The following DMD variants were observed in gnomAD, a reference collection of about 807,000 sequenced individuals.
The protein encoded by DMD is dystrophin.
A neutral mutation model predicts 330.1 loss-of-function variants in DMD; 63 were observed. That is an observed-to-expected ratio of 0.19 (90% CI 0.16 to 0.24). The LOEUF is 0.24. Among genes scored for constraint, DMD ranks in the 10% least tolerant of loss-of-function variants. The pLI, the probability that DMD is intolerant of heterozygous loss-of-function variation, is 1.00. For missense variants in DMD, 3,344 were observed against 2,684.1 expected (o/e 1.25, Z -5.43); for synonymous variants, 1,223 against 959.8 (o/e 1.27, Z -5.07).
intron 12 of DMD, among the ~76,000 whole-genome samples, chrX:32,596,300 G>GAAA (rs11374896): frequency 6.2e-5 from 6 of 96,381 alleles, no homozygotes; most frequent in African/African-American, 7.5e-5. Context: ...CCTCTTCACT[G>GAAA]AAAAAAAAAA....
intron 15 of DMD, among the ~76,000 whole-genome samples, chrX:32,573,107 CTCAGG>C (rs1007760098): frequency 9.0e-6 from 1 of 111,251 alleles, no homozygotes; most frequent in Non-Finnish European, 1.9e-5. Flanking sequence ...CAGTCCCAGT[CTCAGG>C]TACCCCTTTA....
chrX:33,205,724 T>C (rs910180951), intron 1 of DMD, among the ~76,000 whole-genome samples: 3 of 111,873 alleles, frequency 2.7e-5, no homozygotes, highest in Non-Finnish European at 3.8e-5. Context: ...TATTTGCCCA[T>C]AATTGGAAAT....
intron 37 of DMD, among the ~76,000 whole-genome samples, chrX:32,350,778 CA>C: frequency 9.0e-6 from 1 of 111,475 alleles, no homozygotes; most frequent in East Asian, 2.8e-4. Flanking sequence ...ACCTCCAGCA[CA>C]GTAGTCAAGG....
At chrX:33,162,180 G>A (rs1256682497) in intron 1 of DMD, among the ~76,000 whole-genome samples, 2 of 112,002 alleles carry the variant, frequency 1.8e-5, no homozygotes, top group Non-Finnish European at 3.8e-5. Flanking sequence ...TAAGAGATAG[G>A]TAATAAAAAC....
At chrX:32,158,771 C>T (rs1311314637) in intron 44 of DMD, among the ~76,000 whole-genome samples, 1 of 111,876 alleles carries the variant, frequency 8.9e-6, no homozygotes, top group Admixed American at 9.5e-5. Context: ...AGATCACTTA[C>T]CACTACAAAC....
intron 2 of DMD, among the ~76,000 whole-genome samples, chrX:32,954,992 G>T (rs2091484501): frequency 8.9e-6 from 1 of 111,813 alleles, no homozygotes. Context: ...GAATAGTGCT[G>T]CAATGAACAT....
chrX:32,784,808 C>T (rs1353437215), intron 7 of DMD, among the ~76,000 whole-genome samples: 1 of 111,413 alleles, frequency 9.0e-6, no homozygotes, highest in Non-Finnish European at 1.9e-5. Flanking sequence ...ATGCTCTGTA[C>T]TTTAAAAAAT....
At chrX:33,201,889 A>G (rs1254840232) in intron 1 of DMD, among the ~76,000 whole-genome samples, 2 of 112,413 alleles carry the variant, frequency 1.8e-5, no homozygotes, top group Non-Finnish European at 3.8e-5. Flanking sequence ...GGCTAACTGT[A>G]GATGATTACA....
chrX:32,625,093 C>G (rs1263200848), intron 11 of DMD, among the ~76,000 whole-genome samples: 1 of 111,840 alleles, frequency 8.9e-6, no homozygotes, highest in Non-Finnish European at 1.9e-5. Flanking sequence ...ATTGCTTGAA[C>G]CCGGGAGGCG....
intron 44 of DMD, among the ~76,000 whole-genome samples, chrX:32,117,075 G>C (rs906981344): frequency 4.5e-5 from 5 of 111,550 alleles, no homozygotes; most frequent in African/African-American, 1.6e-4. Context: ...TCAATAAATG[G>C]ATAGCTTGAG....
At chrX:32,579,527 G>T (rs1015188879) in intron 13 of DMD, among the ~76,000 whole-genome samples, 1 of 112,199 alleles carries the variant, frequency 8.9e-6, no homozygotes, top group Non-Finnish European at 1.9e-5. Context: ...TAAAAGATAT[G>T]CCTTCTAATT....
intron 29 of DMD, among the ~76,000 whole-genome samples, chrX:32,412,913 T>C (rs55717900): frequency 0.17 from 18,416 of 110,157 alleles, 1,454 homozygotes; most frequent in African/African-American, 0.3. Flanking sequence ...ATTAGTGATG[T>C]CATTATTCTT....
At chrX:32,756,172 T>G (rs1051174553) in intron 7 of DMD, 3 of 112,139 alleles carry the variant, frequency 2.7e-5, no homozygotes, top group Admixed American at 9.5e-5. Flanking sequence ...AAGAATTATC[T>G]CACCATTCCG....
chrX:32,179,101 T>C (rs2096918398), intron 44 of DMD, among the ~76,000 whole-genome samples: 1 of 110,011 alleles, frequency 9.1e-6, no homozygotes, highest in African/African-American at 3.3e-5. Context: ...TTTTGGACAC[T>C]AGCCATAAAA....
intron 2 of DMD, among the ~76,000 whole-genome samples, chrX:32,886,881 G>T (rs1374847538): frequency 9.0e-6 from 1 of 111,357 alleles, no homozygotes; most frequent in Non-Finnish European, 1.9e-5. Context: ...AGTAAAAAAG[G>T]GTGAAAAGTC....
intron 28 of DMD, among the ~76,000 whole-genome samples, chrX:32,439,751 T>C (rs112199087): frequency 0.021 from 2,364 of 111,185 alleles, 59 homozygotes; most frequent in African/African-American, 0.073. Context: ...ATTTTATGTA[T>C]GTATTTATTT....
chrX:31,774,750 A>G (rs770728203), intron 50 of DMD, among the ~76,000 whole-genome samples: 1 of 111,935 alleles, frequency 8.9e-6, no homozygotes, highest in Admixed American at 9.5e-5. Flanking sequence ...GCAGTTTATC[A>G]TATTTTTTTC....
chrX:31,132,895 A>C (rs2034700761), intron 77 of DMD, among the ~76,000 whole-genome samples: 1 of 111,104 alleles, frequency 9.0e-6, no homozygotes, highest in Admixed American at 9.6e-5. Context: ...GGTGGAAGAC[A>C]GATAAGATTT....
chrX:31,786,510 C>T (rs190651541), intron 50 of DMD, among the ~76,000 whole-genome samples: 430 of 110,943 alleles, frequency 3.9e-3, no homozygotes, highest in Middle Eastern at 0.014. Context: ...ATTTTATGTC[C>T]TCACTACTCC....
Sources: allele counts gnomAD v4.1 joint callset (sites outside exome capture counted in the v4.1 genomes callset), GRCh38; gene constraint gnomAD v4.1.1; transcripts MANE v1.5; gene names NCBI Gene and HGNC (gene_info 2026-07-23, HGNC 2026-07-21).